The following CAMTA2 variants were observed in gnomAD, a reference collection of about 807,000 sequenced individuals.
CAMTA2 encodes calmodulin-binding transcription activator 2.
CAMTA2 carries 56 observed loss-of-function variants against 135.7 expected under a neutral mutation model. The ratio of observed to expected loss-of-function variants is 0.41; its 90% CI spans 0.33 to 0.52. The LOEUF (loss-of-function observed/expected upper bound fraction) is 0.52, where lower values mean the gene tolerates loss of function less well. Ranked by LOEUF, CAMTA2 falls within the 20% of genes least tolerant of loss-of-function variation. CAMTA2 has a pLI of 0.16. For synonymous variants in CAMTA2, 591 were observed against 604.6 expected (o/e 0.98, Z 0.33); for missense variants, 1,358 against 1,553.4 (o/e 0.87, Z 2.11).
rs568855733 is a variant in CAMTA2 at position 4,973,010 on chromosome 17, C to G, written c.2281-19G>C. 1.9e-6 allele frequency: 3 copies of G among 1,602,872 alleles called. No individual in the cohort carries two copies. In the East Asian group the frequency reaches 6.7e-5, roughly 36 times the overall value. The stretch of plus-strand genomic sequence containing the variant: ...CCCACATCTGAGGAAGGGGGCGGGA[C>G]AGGCGGAGACGGAGGTGGAGGTGAG... On this transcript the variant is annotated intron_variant, in intron 14 of 22. Transcript: ENST00000348066.
rs745536758 is a variant in CAMTA2 at position 4,973,710 on chromosome 17, G to T, written c.2076C>A (p.Ile692=). The T allele has an allele frequency of 1.9e-6, 3 of 1,614,160 alleles. No homozygotes were observed. The highest frequency in any genetic ancestry group is 1.7e-4 in the Middle Eastern group (1 of 6,060). The stretch of plus-strand genomic sequence containing the variant: ...CAGGACCCTTCCAGGTGGAGCGTGG[G>T]ATCATGCTTTCTACCAAGACCACTA... ...ARVVVLVESM[I]PRSTWKGPER... Residue 692 remains isoleucine, a synonymous_variant, in exon 13 of 23, where the codon ATC becomes ATA. Coordinates refer to ENST00000348066, the MANE Select transcript of CAMTA2 (RefSeq NM_015099.4).
chr17:4,968,169 A>T lies in CAMTA2; in HGVS notation c.*587T>A, dbSNP rs1972029953. The T allele has an allele frequency of 3.2e-6, 1 of 314,202 alleles. No individual in the cohort carries two copies. The highest frequency in any genetic ancestry group is 6.0e-6 in the Non-Finnish European group (1 of 165,476). 19.5% of individuals were successfully genotyped at this position (314,202 alleles called of 1,614,324 possible). On this transcript the variant is annotated 3_prime_UTR_variant, in exon 23 of 23. Transcript: ENST00000348066. Reference sequence around the variant, plus strand: ...TTCACTATACTCTGTATGTTACAGTATGTACAAGACCCCTCCCCTCGGGGG... The same window carrying T: ...TTCACTATACTCTGTATGTTACAGTTTGTACAAGACCCCTCCCCTCGGGGG...
intron 1 of CAMTA2, chr17:4,987,273 C>T (rs1973411420): frequency 3.7e-6 from 5 of 1,341,144 alleles, no homozygotes; most frequent in Admixed American, 3.8e-5. Context: ...GGAGAACCTC[C>T]GAGGTGGGAG....
chr17:4,982,456 C>T (rs540579439), intron 5 of CAMTA2, among the ~76,000 whole-genome samples: 2 of 152,172 alleles, frequency 1.3e-5, no homozygotes, highest in African/African-American at 4.8e-5. Context: ...GGAAGAGAAA[C>T]CTGTGCTGAG....
In CAMTA2 at chr17:4,985,960, A is replaced by T; in HGVS notation, c.55T>A (p.Phe19Ile). 2 of 1,613,832 alleles carry T rather than the reference A, an allele frequency of 1.2e-6. No homozygotes were observed. The highest frequency in any genetic ancestry group is 1.7e-6 in the Non-Finnish European group (2 of 1,179,748). Reference sequence around the variant, plus strand: ...CACTCCAGCAGCTTCTTGGGGAGAAAGATCTTCAGGTGGTGGCTGTTTTCT... The same window carrying T: ...CACTCCAGCAGCTTCTTGGGGAGAATGATCTTCAGGTGGTGGCTGTTTTCT... ...VAENSHHLKI[F>I]LPKKLLECLP... The change falls in exon 3 of 23, where the codon TTT (phenylalanine) becomes ATT (isoleucine). Residue 19 changes from phenylalanine (F) to isoleucine (I), a missense_variant. By Grantham distance (21) the Phe-to-Ile change is conservative. Coordinates refer to ENST00000348066, the MANE Select transcript of CAMTA2 (RefSeq NM_015099.4).
chr17:4,973,791 G>A (rs1313830580), intron 12 of CAMTA2, 22 bp from the exon 13 acceptor site: 2 of 1,563,896 alleles, frequency 1.3e-6, no homozygotes, highest in Admixed American at 3.7e-5. Context: ...ACACTCTTAG[G>A]CAGAGACCCA....
In CAMTA2 at chr17:4,969,820, T is replaced by A; in HGVS notation, c.3189+82A>T. Reference sequence around the variant, plus strand: ...CCCATCCAAGGCCTGTCTGCACGACTACTCATCCTCCAAAAGCCCTGGGAG... The same window carrying A: ...CCCATCCAAGGCCTGTCTGCACGACAACTCATCCTCCAAAAGCCCTGGGAG... On this transcript the variant is annotated intron_variant, in intron 18 of 22. Coordinates refer to ENST00000348066, the MANE Select transcript of CAMTA2 (RefSeq NM_015099.4). The surrounding 1 kb of genome is among the most constrained non-coding windows in gnomAD (Gnocchi z 5.6). 1 of 1,591,156 alleles carries A rather than the reference T, an allele frequency of 6.3e-7. No individual in the cohort carries two copies. The highest frequency in any genetic ancestry group is 8.6e-7 in the Non-Finnish European group (1 of 1,161,922).
At position 4,982,892 on chromosome 17, in the gene CAMTA2, C is replaced by T. The variant is rs1010548723; in HGVS notation, c.204G>A (p.Arg68=). The change falls in exon 5 of 23, where the codon AGG becomes AGA. Residue 68 remains arginine, a splice_region_variant and synonymous_variant. Transcript: ENST00000348066. ...AGAGGATGATGGAGCCATTCTGAGG[C>T]CTGGGAAGGGAAGGGTTGCCCTGGA... The part of the protein sequence containing the change: ...DEWLSCAPKT[R]PQNGSIILYN... 7 of 1,614,154 alleles carry T rather than the reference C, an allele frequency of 4.3e-6. No individual in the cohort carries two copies. The highest frequency in any genetic ancestry group is 2.2e-5 in the East Asian group (1 of 44,880).
Position 4,969,124 on chromosome 17 carries a change from C to T in CAMTA2, c.3470+26G>A, listed in dbSNP as rs1408121750. On this transcript the variant is annotated intron_variant, in intron 21 of 22. Coordinates refer to ENST00000348066, the MANE Select transcript of CAMTA2 (RefSeq NM_015099.4). This position sits in a 1 kb window ranked among gnomAD's most constrained non-coding sequence, Gnocchi z 5.6. The stretch of plus-strand genomic sequence containing the variant: ...GAATGGCGTGGATGCAGTGGGTGGG[C>T]ACAGAGGGCTGGGGCTGGGCCCTAC... 1 of 1,596,270 alleles carries T rather than the reference C, an allele frequency of 6.3e-7. No individual in the cohort carries two copies. The highest frequency in any genetic ancestry group is 8.5e-7 in the Non-Finnish European group (1 of 1,172,536).
chr17:4,976,240 A>G lies in CAMTA2; in HGVS notation c.1900+818T>C, dbSNP rs369268476. Among the ~76,000 whole-genome samples, 294 of 151,904 alleles carry G rather than the reference A, an allele frequency of 1.9e-3. 7 individuals are homozygous for G. The East Asian group carries it at 0.046, about 24-fold the overall frequency. The stretch of plus-strand genomic sequence containing the variant: ...AGGCTGGTCTCAAACTCCTGACCTC[A>G]GGTGATCCACCCGCCTTGGCCTCCC... On this transcript the variant is annotated intron_variant, in intron 11 of 22. Coordinates refer to ENST00000348066, the MANE Select transcript of CAMTA2 (RefSeq NM_015099.4).
At chr17:4,982,001 C>T in intron 6 of CAMTA2, 88 bp downstream of exon 6, 2 of 1,309,518 alleles carry the variant, frequency 1.5e-6, no homozygotes, top group East Asian at 2.3e-5. Flanking sequence ...TCACTCAGAA[C>T]TCAGCCATCC....
rs185742203 is a variant in CAMTA2 at position 4,979,387 on chromosome 17, G to A, written c.1638+297C>T. On this transcript the variant is annotated intron_variant, in intron 9 of 22. Coordinates refer to ENST00000348066, the MANE Select transcript of CAMTA2 (RefSeq NM_015099.4). ...TAGCCGGGCGTGGTGGCGGTCACCT[G>A]TAATCCCAGCTACTCAGGAGGCTGA... 289 of 221,196 alleles carry A rather than the reference G, an allele frequency of 1.3e-3. 1 individual carries two copies. The highest frequency in any genetic ancestry group is 6.3e-3 in the African/African-American group (271 of 43,294). 13.7% of individuals were successfully genotyped at this position (221,196 alleles called of 1,614,324 possible).
In CAMTA2 at chr17:4,982,179, G is replaced by T; in HGVS notation, c.340-19C>A. On this transcript the variant is annotated intron_variant, in intron 5 of 22. Transcript: ENST00000348066. ...AGAGACACTGCCAGGAGACAGGCTG[G>T]GGTGGGGGGAGGGCTAGTCTGCTCC... 1 of 840,160 alleles carries T rather than the reference G, an allele frequency of 1.2e-6. No individual in the cohort carries two copies. The highest frequency in any genetic ancestry group is 1.3e-5 in the South Asian group (1 of 76,036). 52.0% of individuals were successfully genotyped at this position (840,160 alleles called of 1,614,324 possible).
rs554153763 is a variant in CAMTA2 at position 4,968,422 on chromosome 17, T to C, written c.*334A>G. 2 of 446,576 alleles carry C rather than the reference T, an allele frequency of 4.5e-6. No individual in the cohort carries two copies. The highest frequency in any genetic ancestry group is 3.0e-5 in the South Asian group (1 of 33,814). The allele number at this position is 446,576 out of a possible 1,614,324, so 27.7% of individuals were successfully genotyped here. A position where few individuals can be genotyped will look rare whatever the true frequency, so the allele number is the denominator to read the frequency against. ...TACATTCAGAGACGCGTCGAACAAA[T>C]AAATAAGGCAAGTCAGGAGGGGGCC... On this transcript the variant is annotated 3_prime_UTR_variant, in exon 23 of 23. Transcript: ENST00000348066.
Position 4,969,531 on chromosome 17 carries a change from G to A in CAMTA2, c.3262-11C>T, listed in dbSNP as rs1427217503. Reference sequence around the variant, plus strand: ...TGCAATCCAGGTCAGCTTGTGGAGAGAGAAGGGGAGTTAGGGCTCTGGCAA... The same window carrying A: ...TGCAATCCAGGTCAGCTTGTGGAGAAAGAAGGGGAGTTAGGGCTCTGGCAA... On this transcript the variant is annotated splice_polypyrimidine_tract_variant and intron_variant, in intron 19 of 22. Coordinates refer to ENST00000348066, the MANE Select transcript of CAMTA2 (RefSeq NM_015099.4). The surrounding 1 kb of genome is among the most constrained non-coding windows in gnomAD (Gnocchi z 5.6). 3 of 1,614,078 alleles carry A rather than the reference G, an allele frequency of 1.9e-6. No individual in the cohort carries two copies. The highest frequency in any genetic ancestry group is 1.3e-5 in the African/African-American group (1 of 74,926).
chr17:4,976,935 T>G, intron 11 of CAMTA2, 123 bp downstream of exon 11: 1 of 919,234 alleles, frequency 1.1e-6, no homozygotes, highest in Non-Finnish European at 1.6e-6. Flanking sequence ...AAATAGGAAT[T>G]GAAAAAAAAA....
Position 4,980,145 on chromosome 17 carries a change from C to T in CAMTA2, c.1177G>A (p.Gly393Arg). Residue 393 changes from glycine to arginine, a missense_variant, in exon 9 of 23, where the codon GGG (glycine) becomes AGG (arginine). Physicochemically the swap from Gly to Arg is moderately radical, Grantham distance 125 (BLOSUM62 -2). Around this residue, in one of 4 missense-constraint regions of CAMTA2, gnomAD observed 1,077 missense variants for 1,127.5 expected, o/e 0.96. Transcript: ENST00000348066. This position sits in a 1 kb window ranked among gnomAD's most constrained non-coding sequence, Gnocchi z 5.3. ...GGGAAGTCTGGGCTTACTCCCTGCC[C>T]CCCTCCATATGTCTGGCCCCTCTGG... ...SPQRGQTYGG[G>R]QGVSPDFPEA... 1 of 1,592,896 alleles carries T rather than the reference C, an allele frequency of 6.3e-7. No individual in the cohort carries two copies. Among genetic ancestry groups the T allele is most frequent in the Middle Eastern group, 1.7e-4 (1 of 5,952 alleles).
In CAMTA2 at chr17:4,968,197, G is replaced by A; in HGVS notation, c.*559C>T. 1 of 256,262 alleles carries A rather than the reference G, an allele frequency of 3.9e-6. No homozygotes were observed. The highest frequency in any genetic ancestry group is 7.6e-6 in the Non-Finnish European group (1 of 131,216). 15.9% of individuals were successfully genotyped at this position (256,262 alleles called of 1,614,324 possible). ...TACAAGACCCCTCCCCTCGGGGGAC[G>A]GGGCGGACTCCGCAACGCGTTCCTA... On this transcript the variant is annotated 3_prime_UTR_variant, in exon 23 of 23. Transcript: ENST00000348066.
chr17:4,987,514 G>C, intron 1 of CAMTA2, 79 bp downstream of exon 1: 4 of 1,428,846 alleles, frequency 2.8e-6, no homozygotes, highest in Non-Finnish European at 3.7e-6. Context: ...CCCTGGCGCG[G>C]CGCTCCGCGT....
Sources: gnomAD v4.1 joint callset for allele counts (sites outside exome capture counted in the v4.1 genomes callset) on GRCh38, gnomAD v4.1.1 for gene constraint, gnomAD v4.1.1 regional missense constraint, Gnocchi (gnomAD v3.1) non-coding constraint, MANE v1.5 for transcripts, NCBI Gene and HGNC (gene_info 2026-07-23, HGNC 2026-07-21) for gene names.